The following NFXL1 variants were observed in gnomAD, a reference collection of about 807,000 sequenced individuals.
NFXL1 encodes the protein NF-X1-type zinc finger protein NFXL1.
In NFXL1, 66 loss-of-function variants were observed where a neutral mutation model predicts 123.3. The ratio of observed to expected loss-of-function variants is 0.54; its 90% CI spans 0.44 to 0.66. NFXL1 has a LOEUF of 0.66. Ranked by LOEUF, NFXL1 falls within the 30% of genes least tolerant of loss-of-function variation. NFXL1 has a pLI of 0.00. For synonymous variants in NFXL1, 346 were observed against 360.8 expected (o/e 0.96, Z 0.46); for missense variants, 944 against 1,125.6 (o/e 0.84, Z 2.31).
chr4:47,854,209 T>C (rs531060405), intron 20 of NFXL1, among the ~76,000 whole-genome samples: 21 of 152,036 alleles, frequency 1.4e-4, no homozygotes, highest in African/African-American at 4.6e-4. Context: ...AAAGGACCTA[T>C]AAAAGATCCT....
intron 18 of NFXL1, among the ~76,000 whole-genome samples, chr4:47,870,416 C>T (rs567941964): frequency 3.5e-4 from 53 of 152,102 alleles, no homozygotes; most frequent in Non-Finnish European, 5.3e-4. Flanking sequence ...TTGTTGGATA[C>T]TCCAACATGG....
Position 47,878,672 on chromosome 4 carries a change from A to T in NFXL1, c.1939-7T>A, listed in dbSNP as rs764829573. The T allele has an allele frequency of 6.6e-7, 1 of 1,517,118 alleles. No individual in the cohort carries two copies. The highest frequency in any genetic ancestry group is 2.3e-5 in the Admixed American group (1 of 43,522). The allele number at this position is 1,517,118 out of a possible 1,614,324, so 94.0% of individuals were successfully genotyped here. A position where few individuals can be genotyped will look rare whatever the true frequency, so the allele number is the denominator to read the frequency against. Reference sequence around the variant, plus strand: ...GGCATGGTAGTGGACTCACCTTAAAAAATAAAGGAAATCAGCACAGCACAC... The same window carrying T: ...GGCATGGTAGTGGACTCACCTTAAATAATAAAGGAAATCAGCACAGCACAC... On this transcript the variant is annotated splice_region_variant and splice_polypyrimidine_tract_variant and intron_variant, in intron 16 of 22. Transcript: ENST00000507489.
intron 11 of NFXL1, 104 bp downstream of exon 11, chr4:47,894,076 C>A (rs541619817): frequency 5.5e-6 from 4 of 726,826 alleles, no homozygotes; most frequent in South Asian, 3.2e-5. Context: ...AAAGCATATG[C>A]CTGAACATTT....
At chr4:47,873,173 T>C (rs188102374) in intron 18 of NFXL1, among the ~76,000 whole-genome samples, 84 of 152,338 alleles carry the variant, frequency 5.5e-4, no homozygotes, top group African/African-American at 1.9e-3. Flanking sequence ...CTTTTAATTA[T>C]AGTCCTCTTG....
intron 19 of NFXL1, among the ~76,000 whole-genome samples, chr4:47,859,749 G>T (rs1734617906): frequency 6.7e-6 from 1 of 148,810 alleles, no homozygotes; most frequent in Non-Finnish European, 1.5e-5. Context: ...AGCTGAGGCA[G>T]GAGAATCGCT....
Position 47,905,323 on chromosome 4 carries a change from G to A in NFXL1, c.430C>T (p.Arg144Ter), listed in dbSNP as rs149234166. 1.1e-5 allele frequency: 18 copies of A among 1,582,742 alleles called. No homozygotes were observed. Among genetic ancestry groups the A allele is most frequent in the South Asian group, 2.2e-5 (2 of 89,722 alleles). Residue 144 changes from arginine to a stop codon, truncating the protein, a stop_gained, in exon 4 of 23, where the codon CGA becomes TGA. Transcript: ENST00000507489. LOFTEE classifies it high-confidence loss of function. ...QTDGDTRELE[R>*]TKQYVNEAFQ... is the part of the protein sequence containing the mutation. ...GCTTCATTTACATATTGTTTTGTTC[G>A]CTCTAATTCACGTGTATCTCCATCT...
chr4:47,898,242 T>C (rs1320293672), intron 8 of NFXL1, among the ~76,000 whole-genome samples, 161 bp from the exon 9 acceptor site: 1 of 152,172 alleles, frequency 6.6e-6, no homozygotes, highest in African/African-American at 2.4e-5. Context: ...CATATGTATA[T>C]ATAGATACAT....
intron 7 of NFXL1, 41 bp from the exon 8 acceptor site, chr4:47,898,898 A>T (rs1349530417): frequency 6.2e-7 from 1 of 1,610,370 alleles, no homozygotes; most frequent in Middle Eastern, 1.7e-4. Context: ...ACATAAAAGC[A>T]ATAAAGATTG....
At chr4:47,895,902 A>G (rs991980437) in intron 10 of NFXL1, among the ~76,000 whole-genome samples, 1 of 152,202 alleles carries the variant, frequency 6.6e-6, no homozygotes, top group Non-Finnish European at 1.5e-5. Flanking sequence ...TAAATGAGAA[A>G]TGTGTGACTC....
intron 15 of NFXL1, among the ~76,000 whole-genome samples, chr4:47,881,103 C>G (rs896842395): frequency 1.3e-5 from 2 of 151,832 alleles, no homozygotes; most frequent in African/African-American, 4.8e-5. Flanking sequence ...TTACCTATAA[C>G]AATGGATATC....
chr4:47,855,281 T>C, intron 19 of NFXL1, 118 bp from the exon 20 acceptor site: 1 of 452,386 alleles, frequency 2.2e-6, no homozygotes, highest in Middle Eastern at 3.4e-4. Context: ...CAATCCTAGC[T>C]AATGGGATAA....
intron 17 of NFXL1, among the ~76,000 whole-genome samples, chr4:47,875,583 C>T (rs190935466): frequency 4.5e-4 from 68 of 152,054 alleles, no homozygotes; most frequent in Middle Eastern, 6.8e-3. Context: ...TATAAAGTAT[C>T]CCACTAAAAA....
intron 2 of NFXL1, among the ~76,000 whole-genome samples, chr4:47,912,115 A>AT (rs1286765298): frequency 1.3e-5 from 2 of 152,176 alleles, no homozygotes; most frequent in Non-Finnish European, 2.9e-5. Context: ...AACAAAACAA[A>AT]TTGAGTATTT....
At position 47,903,429 on chromosome 4, in the gene NFXL1, G is replaced by A. The variant is rs552329566; in HGVS notation, c.517-106C>T. The stretch of plus-strand genomic sequence containing the variant: ...AAACTATTTTCAAGAGCTACCTAAG[G>A]ATTAAAGAAAAAAGGTCTTTCCTTC... On this transcript the variant is annotated intron_variant, in intron 4 of 22. Transcript: ENST00000507489. The A allele has an allele frequency of 4.6e-6, 3 of 654,072 alleles. No homozygotes were observed. In the South Asian group the frequency reaches 1.5e-4, roughly 33 times the overall value. The allele number at this position is 654,072 out of a possible 1,614,324, so 40.5% of individuals were successfully genotyped here.
rs184835778 is a variant in NFXL1 at position 47,856,938 on chromosome 4, T to G, written c.2317-1775A>C. On this transcript the variant is annotated intron_variant, in intron 19 of 22. Coordinates refer to ENST00000507489, the MANE Select transcript of NFXL1 (RefSeq NM_001278624.2). ...CTTACCTTCATTCCTGCCAGTGCCTTTAGCCAGACTTCATAAACATTTGGC... is the reference window on the plus strand; with the variant it reads ...CTTACCTTCATTCCTGCCAGTGCCTGTAGCCAGACTTCATAAACATTTGGC... Among the ~76,000 whole-genome samples the G allele has an allele frequency of 3.3e-4, 50 of 152,320 alleles. No individual in the cohort carries two copies. In the South Asian group the frequency reaches 4.6e-3, roughly 14 times the overall value.
At chr4:47,913,011 CAAAAAA>C (rs574444228) in intron 2 of NFXL1, among the ~76,000 whole-genome samples, 210 of 74,502 alleles carry the variant, frequency 2.8e-3, no homozygotes, top group East Asian at 0.017. Flanking sequence ...GACTCTGTCT[CAAAAAA>C]AAAAAAAAAA....
intron 18 of NFXL1, among the ~76,000 whole-genome samples, chr4:47,865,043 TC>T (rs754965677): frequency 2.8e-4 from 43 of 152,250 alleles, no homozygotes; most frequent in Non-Finnish European, 5.3e-4. Flanking sequence ...CTCCAGGTAG[TC>T]TCAGAAATGA....
chr4:47,908,941 T>G (rs1464071143), intron 3 of NFXL1, among the ~76,000 whole-genome samples: 2 of 119,908 alleles, frequency 1.7e-5, no homozygotes, highest in Admixed American at 1.1e-4. Context: ...GGCGACAGAG[T>G]GAGACTCCGT....
At chr4:47,872,650 T>C (rs1016767784) in intron 18 of NFXL1, among the ~76,000 whole-genome samples, 1 of 152,152 alleles carries the variant, frequency 6.6e-6, no homozygotes, top group Non-Finnish European at 1.5e-5. Context: ...ATACTAAGTA[T>C]GCAATAGCAT....
Sources: allele counts gnomAD v4.1 joint callset (sites outside exome capture counted in the v4.1 genomes callset), GRCh38; gene constraint gnomAD v4.1.1; transcripts MANE v1.5; gene names NCBI Gene and HGNC (gene_info 2026-07-23, HGNC 2026-07-21).